EFCAB11: variants seen among roughly 807,000 people sequenced by gnomAD.
EFCAB11 encodes EF-hand calcium-binding domain-containing protein 11.
In EFCAB11, 14 loss-of-function variants were observed where a neutral mutation model predicts 23.0. The ratio of observed to expected loss-of-function variants is 0.61; its 90% CI spans 0.40 to 0.95. EFCAB11 has a LOEUF of 0.95. EFCAB11 is among the 40% of genes least tolerant of loss of function. The probability of loss-of-function intolerance (pLI) is 0.00; values close to 1 mark genes in which losing one functional copy is unlikely to be tolerated. For synonymous variants in EFCAB11, 65 were observed against 66.6 expected, an observed-to-expected ratio of 0.98 and a Z score of 0.11; for missense variants, 198 against 195.8, an observed-to-expected ratio of 1.01 and a Z score of -0.07.
chr14:89,922,346 G>A (rs1281610361), intron 5 of EFCAB11, among the ~76,000 whole-genome samples: 1 of 152,160 alleles, frequency 6.6e-6, no homozygotes, highest in Non-Finnish European at 1.5e-5. Context: ...AATATCTGTG[G>A]TATGCAGGGA....
chr14:89,889,422 G>A (rs1395956405), intron 5 of EFCAB11, among the ~76,000 whole-genome samples: 1 of 152,172 alleles, frequency 6.6e-6, no homozygotes, highest in Non-Finnish European at 1.5e-5. Context: ...GTGATTGTGA[G>A]GATGAAACGA....
At chr14:89,888,049 G>C (rs1888847862) in intron 5 of EFCAB11, among the ~76,000 whole-genome samples, 1 of 152,182 alleles carries the variant, frequency 6.6e-6, no homozygotes, top group Non-Finnish European at 1.5e-5. Context: ...AACATACTGA[G>C]GTAGATAATA....
intron 5 of EFCAB11, among the ~76,000 whole-genome samples, chr14:89,888,017 C>CCATG (rs1405785549): frequency 6.6e-6 from 1 of 152,174 alleles, no homozygotes; most frequent in Non-Finnish European, 1.5e-5. Context: ...CATTTAAAGG[C>CCATG]CATGCCCTTA....
intron 5 of EFCAB11, among the ~76,000 whole-genome samples, chr14:89,906,808 A>G (rs1596446072): frequency 1.3e-5 from 2 of 152,206 alleles, no homozygotes; most frequent in African/African-American, 4.8e-5. Flanking sequence ...ATTTAACATT[A>G]TTAGTATACT....
chr14:89,889,975 G>C (rs1888910463), intron 5 of EFCAB11, among the ~76,000 whole-genome samples: 1 of 152,206 alleles, frequency 6.6e-6, no homozygotes, highest in African/African-American at 2.4e-5. Context: ...ACTGTAGGCT[G>C]AGTCTTGGAA....
intron 5 of EFCAB11, among the ~76,000 whole-genome samples, chr14:89,876,230 T>C (rs1346826847): frequency 1.3e-5 from 2 of 152,076 alleles, no homozygotes; most frequent in East Asian, 3.9e-4. Context: ...GTTCTATTAC[T>C]AGCATCAGTG....
chr14:89,919,436 T>C (rs1330739759), intron 5 of EFCAB11, among the ~76,000 whole-genome samples: 1 of 152,086 alleles, frequency 6.6e-6, no homozygotes, highest in Non-Finnish European at 1.5e-5. Flanking sequence ...GAAAAAGTGG[T>C]GTCAACATTG....
intron 3 of EFCAB11, among the ~76,000 whole-genome samples, chr14:89,944,289 AAAT>A (rs1165680600): frequency 3.3e-5 from 5 of 152,312 alleles, no homozygotes; most frequent in African/African-American, 1.2e-4. Context: ...TAAAACCATC[AAAT>A]CTCGTGAGAC....
At chr14:89,835,702 A>G (rs1049129862) in intron 5 of EFCAB11, among the ~76,000 whole-genome samples, 5 of 148,198 alleles carry the variant, frequency 3.4e-5, no homozygotes, top group African/African-American at 1.3e-4. Flanking sequence ...ATCTCGGTTC[A>G]CTGCAACCTC....
At chr14:89,878,159 TA>T (rs539950970) in intron 5 of EFCAB11, among the ~76,000 whole-genome samples, 1 of 152,318 alleles carries the variant, frequency 6.6e-6, no homozygotes, top group East Asian at 1.9e-4. Flanking sequence ...TGGGACGTAC[TA>T]AAAGATGATC....
At chr14:89,802,385 TTTAA>T (rs766778142) in intron 5 of EFCAB11, among the ~76,000 whole-genome samples, 5 of 152,074 alleles carry the variant, frequency 3.3e-5, no homozygotes, top group Non-Finnish European at 5.9e-5. Context: ...TAATTTTAAT[TTTAA>T]TTAATTAATT....
At chr14:89,952,909 T>A (rs1045775419) in intron 2 of EFCAB11, among the ~76,000 whole-genome samples, 7 of 152,146 alleles carry the variant, frequency 4.6e-5, no homozygotes, top group African/African-American at 1.7e-4. Flanking sequence ...ATCTTGACTC[T>A]GACTAATTCC....
chr14:89,833,012 C>G (rs1384764399), intron 5 of EFCAB11: 2 of 152,140 alleles, frequency 1.3e-5, no homozygotes, highest in African/African-American at 4.8e-5. Flanking sequence ...TGAGCCATAT[C>G]CATTTTCTTA....
chr14:89,924,553 T>C (rs1890128256), intron 5 of EFCAB11: 1 of 1,521,768 alleles, frequency 6.6e-7, no homozygotes, highest in Non-Finnish European at 8.8e-7. Flanking sequence ...GAAGTAAACA[T>C]ATCCATGCAG....
intron 1 of EFCAB11, 129 bp downstream of exon 1, chr14:89,954,457 A>G: frequency 1.9e-6 from 3 of 1,538,566 alleles, no homozygotes; most frequent in Non-Finnish European, 2.6e-6. Context: ...GTCATTAACC[A>G]CGACCCTTTG....
chr14:89,924,496 C>CA, intron 5 of EFCAB11: 1 of 1,412,286 alleles, frequency 7.1e-7, no homozygotes, highest in Non-Finnish European at 9.2e-7. Context: ...TGGGAATGTA[C>CA]AAATAGCAGT....
intron 5 of EFCAB11, among the ~76,000 whole-genome samples, chr14:89,882,628 G>A (rs913511012): frequency 1.3e-5 from 2 of 152,040 alleles, no homozygotes; most frequent in African/African-American, 4.8e-5. Context: ...GGGAAATACC[G>A]ATTTCCTACA....
intron 5 of EFCAB11, among the ~76,000 whole-genome samples, chr14:89,857,075 C>T (rs981907046): frequency 6.6e-6 from 1 of 152,222 alleles, no homozygotes; most frequent in Non-Finnish European, 1.5e-5. Context: ...AAAATATAGA[C>T]CTGGCTTTGA....
intron 5 of EFCAB11, among the ~76,000 whole-genome samples, chr14:89,869,741 T>C (rs926787038): frequency 6.6e-6 from 1 of 152,212 alleles, no homozygotes; most frequent in Admixed American, 6.5e-5. Flanking sequence ...TGGTCTACAG[T>C]AGGTGGTAAA....
Sources: allele counts gnomAD v4.1 joint callset (sites outside exome capture counted in the v4.1 genomes callset), GRCh38; gene constraint gnomAD v4.1.1; transcripts MANE v1.5; gene names NCBI Gene and HGNC (gene_info 2026-07-23, HGNC 2026-07-21).